LARGE1: variants seen among roughly 807,000 people sequenced by gnomAD.
The protein encoded by LARGE1 is xylosyl- and glucuronyltransferase LARGE1.
In LARGE1, 43 loss-of-function variants were observed where a neutral mutation model predicts 87.6. The observed-to-expected ratio is 0.49, with a 90% CI of 0.38 to 0.63. The LOEUF (loss-of-function observed/expected upper bound fraction) is 0.63. Ranked by LOEUF, LARGE1 falls within the 30% of genes least tolerant of loss-of-function variation. The pLI, the probability that LARGE1 is intolerant of heterozygous loss-of-function variation, is 0.00. For missense variants in LARGE1, 802 were observed against 1,000.2 expected (o/e 0.80, Z 2.67); for synonymous variants, 434 against 394.6 (o/e 1.10, Z -1.18).
chr22:33,299,176 C>G (rs1933794114), intron 12 of LARGE1, among the ~76,000 whole-genome samples: 2 of 151,210 alleles, frequency 1.3e-5, no homozygotes, highest in Admixed American at 6.6e-5. Flanking sequence ...TTGCACCATT[C>G]CACTCCAGCC....
intron 6 of LARGE1, among the ~76,000 whole-genome samples, chr22:33,471,136 T>C (rs1044388503): frequency 2.6e-5 from 4 of 151,354 alleles, no homozygotes; most frequent in Non-Finnish European, 5.9e-5. Flanking sequence ...CAAGCAATTC[T>C]CATGCCTCAG....
At chr22:33,087,721 G>A in the LARGE1 span, among the ~76,000 whole-genome samples, 1 of 152,078 alleles carries the variant, frequency 6.6e-6, no homozygotes, top group Non-Finnish European at 1.5e-5. Context: ...GATCACCTGC[G>A]GCCAGGAGTT....
chr22:33,444,975 G>A (rs969641783), intron 6 of LARGE1, among the ~76,000 whole-genome samples: 11 of 152,114 alleles, frequency 7.2e-5, no homozygotes, highest in African/African-American at 2.4e-4. Context: ...GATTACAGGC[G>A]CGTACCACCA....
At chr22:33,730,432 G>C (rs2083424462) in intron 2 of LARGE1, among the ~76,000 whole-genome samples, 1 of 152,130 alleles carries the variant, frequency 6.6e-6, no homozygotes, top group Non-Finnish European at 1.5e-5. Context: ...ATTTCACATT[G>C]CATGCCTGTA....
At chr22:33,344,129 CA>C (rs1293401496) in intron 9 of LARGE1, among the ~76,000 whole-genome samples, 1 of 152,214 alleles carries the variant, frequency 6.6e-6, no homozygotes, top group Non-Finnish European at 1.5e-5. Context: ...CCCACTGACT[CA>C]AATGTTAATC....
At chr22:33,794,321 G>A (rs769244588) in intron 1 of LARGE1, among the ~76,000 whole-genome samples, 9 of 152,180 alleles carry the variant, frequency 5.9e-5, no homozygotes, top group East Asian at 1.9e-4. Flanking sequence ...CCCTGAGATC[G>A]CCCAGACACC....
At chr22:33,259,806 T>A (rs1183834811) in intron 11 of LARGE1, among the ~76,000 whole-genome samples, 1 of 152,172 alleles carries the variant, frequency 6.6e-6, no homozygotes, top group African/African-American at 2.4e-5. Flanking sequence ...CTTAAGCCAC[T>A]TTGGAAGGTC....
At chr22:33,299,807 C>T (rs1218712230) in intron 12 of LARGE1, among the ~76,000 whole-genome samples, 1 of 152,202 alleles carries the variant, frequency 6.6e-6, no homozygotes, top group Non-Finnish European at 1.5e-5. Flanking sequence ...TGCCATGCCC[C>T]GCTGACTTTC....
Position 33,166,732 on chromosome 22 carries a change from T to A in LARGE1, c.*31A>T, listed in dbSNP as rs16991920. ...GGGCTCATGAAGAACAGTACCCAAG[T>A]CCTCGAGAAGGAAGCCAACGCCGAG... On this transcript the variant is annotated 3_prime_UTR_variant, in exon 12 of 12. Transcript: ENST00000608642. 1,765 of 471,206 alleles carry A rather than the reference T, an allele frequency of 3.7e-3. 14 individuals carry two copies. The highest frequency in any genetic ancestry group is 0.024 in the African/African-American group (1,195 of 50,192). The allele number at this position is 471,206 out of a possible 1,614,324, so 29.2% of individuals were successfully genotyped here.
chr22:33,195,380 A>T (rs1472856483), intron 11 of LARGE1, among the ~76,000 whole-genome samples: 1 of 152,152 alleles, frequency 6.6e-6, no homozygotes, highest in Admixed American at 6.5e-5. Flanking sequence ...CAGAATACAT[A>T]TTAATTTTAA....
chr22:33,094,704 G>A, the LARGE1 span, among the ~76,000 whole-genome samples: 3 of 151,260 alleles, frequency 2.0e-5, no homozygotes, highest in Admixed American at 1.3e-4. Context: ...ACTCTCTCCC[G>A]TGTTCTTTTT....
intron 2 of LARGE1, among the ~76,000 whole-genome samples, chr22:33,715,664 C>T (rs893149160): frequency 6.6e-6 from 1 of 152,130 alleles, no homozygotes; most frequent in Admixed American, 6.5e-5. Context: ...GAAATAGAGT[C>T]CAAGCATTTG....
chr22:33,279,549 T>C (rs1930030770), intron 13 of LARGE1, among the ~76,000 whole-genome samples: 1 of 152,130 alleles, frequency 6.6e-6, no homozygotes, highest in African/African-American at 2.4e-5. Context: ...GGCCAATGGG[T>C]GGGCTTTGAT....
At chr22:33,651,465 T>C (rs1216728295) in intron 2 of LARGE1, among the ~76,000 whole-genome samples, 1 of 151,000 alleles carries the variant, frequency 6.6e-6, no homozygotes, top group Non-Finnish European at 1.5e-5. Flanking sequence ...TGCAAACTCC[T>C]ATACATCTTT....
intron 11 of LARGE1, among the ~76,000 whole-genome samples, chr22:33,179,834 A>G (rs13055004): frequency 0.34 from 50,875 of 151,662 alleles, 9,039 homozygotes; most frequent in Non-Finnish European, 0.39. Context: ...ATCCCCTGCT[A>G]CGGTTTGAAT....
chr22:33,576,582 A>C (rs77693241), intron 5 of LARGE1, among the ~76,000 whole-genome samples: 2,682 of 152,178 alleles, frequency 0.018, 57 homozygotes, highest in African/African-American at 0.056. Context: ...GTCTATCTGT[A>C]GTCTTCCTAT....
At chr22:33,218,319 A>G (rs373400692) in intron 11 of LARGE1, among the ~76,000 whole-genome samples, 1 of 152,224 alleles carries the variant, frequency 6.6e-6, no homozygotes, top group African/African-American at 2.4e-5. Flanking sequence ...CATATTAAAC[A>G]TCCTCTGCAT....
At chr22:33,857,604 G>C (rs764607161) in intron 1 of LARGE1, among the ~76,000 whole-genome samples, 2 of 152,162 alleles carry the variant, frequency 1.3e-5, no homozygotes, top group Middle Eastern at 6.8e-3. Context: ...AATGATAATC[G>C]AGTGCATCAG....
rs532206612 is a variant in LARGE1 at position 33,837,841 on chromosome 22, T to C, written c.-82-76283A>G. On this transcript the variant is annotated intron_variant, in intron 1 of 14. Transcript: ENST00000397394. ...ATATCTTCCACTTATCCCAGTACACTGAACAAACATTATCATTTTCCACAA... is the reference window on the plus strand; with the variant it reads ...ATATCTTCCACTTATCCCAGTACACCGAACAAACATTATCATTTTCCACAA... 2.2e-4 allele frequency among the ~76,000 whole-genome samples: 34 copies of C among 152,316 alleles called. No homozygotes were observed. The South Asian group carries it at 6.4e-3, about 29-fold the overall frequency.
Sources: allele counts gnomAD v4.1 joint callset (sites outside exome capture counted in the v4.1 genomes callset), GRCh38; gene constraint gnomAD v4.1.1; transcripts MANE v1.5; gene names NCBI Gene and HGNC (gene_info 2026-07-23, HGNC 2026-07-21).